Variants in RIPOR2 observed in about 807,000 individuals in gnomAD.
RIPOR2 encodes RHO family interacting cell polarization regulator 2.
RIPOR2 carries 39 observed loss-of-function variants against 114.5 expected under a neutral mutation model. The observed-to-expected ratio is 0.34, with a 90% CI of 0.26 to 0.44. The LOEUF (loss-of-function observed/expected upper bound fraction) is 0.44. RIPOR2 is among the 20% of genes least tolerant of loss of function. The probability of loss-of-function intolerance (pLI) is 1.00; values close to 1 mark genes in which losing one functional copy is unlikely to be tolerated. For missense variants in RIPOR2, 1,007 were observed against 1,255.1 expected (o/e 0.80, Z 2.99); for synonymous variants, 445 against 484.4 (o/e 0.92, Z 1.07).
At chr6:24,896,241 G>C (rs1230642801) in intron 1 of RIPOR2, among the ~76,000 whole-genome samples, 1 of 152,160 alleles carries the variant, frequency 6.6e-6, no homozygotes, top group Non-Finnish European at 1.5e-5. Context: ...GGTTGCTTAA[G>C]TTTTCCAGAA....
At chr6:24,893,977 C>T (rs1767610158) in intron 1 of RIPOR2, among the ~76,000 whole-genome samples, 1 of 152,152 alleles carries the variant, frequency 6.6e-6, no homozygotes, top group Non-Finnish European at 1.5e-5. Context: ...AAATGATCTC[C>T]ATGTAGGGAA....
In RIPOR2 at chr6:24,842,986, A is replaced by C. The variant is rs745389444; in HGVS notation, c.1733T>G (p.Phe578Cys). Residue 578 changes from phenylalanine (F) to cysteine (C), a missense_variant, in exon 13 of 22, where the codon TTT (phenylalanine) becomes TGT (cysteine). By Grantham distance (205) the Phe-to-Cys change is radical. Transcript: ENST00000643898. ...AGCATCCTCTAAGCTTCCATCTAGA[A>C]AGGATCTGCAGCCTTCAGATTCTCC... The part of the protein sequence containing the change: ...VGGESEGCRS[F>C]LDGSLEDAFN... 2 of 1,570,776 alleles carry C rather than the reference A, an allele frequency of 1.3e-6. No homozygotes were observed. Among genetic ancestry groups the C allele is most frequent in the South Asian group, 2.3e-5 (2 of 85,184 alleles).
Position 25,001,104 on chromosome 6 carries a change from A to G in RIPOR2, c.76+40747T>C, listed in dbSNP as rs143500817. Among the ~76,000 whole-genome samples, 196 of 152,358 alleles carry G rather than the reference A, an allele frequency of 1.3e-3. No individual in the cohort carries two copies. The East Asian group carries it at 0.032, about 25-fold the overall frequency. The stretch of plus-strand genomic sequence containing the variant: ...CGCACATGTACATATACATGCACAT[A>G]TATACGTGTAAACACACATATACTC... On this transcript the variant is annotated intron_variant, in intron 1 of 13. Coordinates refer to the RIPOR2 transcript ENST00000510784.
intron 1 of RIPOR2, among the ~76,000 whole-genome samples, chr6:25,007,979 C>T (rs1484577832): frequency 1.3e-5 from 2 of 152,088 alleles, no homozygotes; most frequent in African/African-American, 2.4e-5. Flanking sequence ...ACTGGAAATA[C>T]CTCCAATGAA....
At chr6:25,034,530 C>T (rs1777147978) in intron 1 of RIPOR2, among the ~76,000 whole-genome samples, 1 of 152,156 alleles carries the variant, frequency 6.6e-6, no homozygotes, top group Admixed American at 6.5e-5. Context: ...AGAAAATTTG[C>T]TATTCTGGTA....
chr6:24,875,594 G>T, intron 2 of RIPOR2, 97 bp downstream of exon 2: 1 of 1,165,194 alleles, frequency 8.6e-7, no homozygotes, highest in Non-Finnish European at 1.2e-6. Flanking sequence ...GCCGGGGGGC[G>T]GTTTGACAAG....
At chr6:25,017,904 C>A (rs1421553349) in intron 1 of RIPOR2, among the ~76,000 whole-genome samples, 1 of 152,194 alleles carries the variant, frequency 6.6e-6, no homozygotes, top group African/African-American at 2.4e-5. Context: ...GAAATATTCT[C>A]TTGGAAGTTC....
At position 24,849,786 on chromosome 6, in the gene RIPOR2, A is replaced by G; in HGVS notation, c.1034+16T>C. On this transcript the variant is annotated intron_variant, in intron 11 of 21. Transcript: ENST00000643898. The stretch of plus-strand genomic sequence containing the variant: ...CAGATATTTCTATATGATGAAATAA[A>G]GGAAGAGGCACTTACTACCAGGTGA... 6.2e-7 allele frequency: 1 copy of G among 1,609,956 alleles called. No homozygotes were observed. Among genetic ancestry groups the G allele is most frequent in the Non-Finnish European group, 8.5e-7 (1 of 1,176,544 alleles).
At chr6:24,850,097 C>CTTTTTTT (rs5875008) in intron 10 of RIPOR2, 147 bp from the exon 11 acceptor site, 21 of 437,184 alleles carry the variant, frequency 4.8e-5, no homozygotes, top group Admixed American at 1.3e-4. Flanking sequence ...TTTTCTTTTT[C>CTTTTTTT]TTTTTTTTTT....
intron 1 of RIPOR2, among the ~76,000 whole-genome samples, chr6:24,890,189 C>T (rs920293926): frequency 1.3e-5 from 2 of 151,970 alleles, no homozygotes; most frequent in Non-Finnish European, 2.9e-5. Flanking sequence ...GCCACTGTGC[C>T]CGGCCTGCAC....
chr6:24,935,341 A>AAAG (rs1334105077), intron 1 of RIPOR2, among the ~76,000 whole-genome samples: 15 of 147,626 alleles, frequency 1.0e-4, no homozygotes, highest in African/African-American at 3.7e-4. Context: ...AAAAAAAAAA[A>AAAG]GAGAAGGACC....
rs148443902 is a variant in RIPOR2 at position 24,941,031 on chromosome 6, G to C, written c.77-65214C>G. 1.5e-3 allele frequency among the ~76,000 whole-genome samples: 235 copies of C among 152,206 alleles called. 1 individual carries two copies. The highest frequency in any genetic ancestry group is 3.8e-3 in the African/African-American group (157 of 41,522). On this transcript the variant is annotated intron_variant, in intron 1 of 13. Coordinates refer to the RIPOR2 transcript ENST00000510784. ...CAATCTCATGGGTACAATCTCATGAGGGTTGTCTCATGAGGAAAACCCTCC... is the reference window on the plus strand; with the variant it reads ...CAATCTCATGGGTACAATCTCATGACGGTTGTCTCATGAGGAAAACCCTCC...
chr6:24,907,416 A>C (rs1337186467), intron 1 of RIPOR2, among the ~76,000 whole-genome samples: 1 of 152,208 alleles, frequency 6.6e-6, no homozygotes, highest in African/African-American at 2.4e-5. Context: ...GCACAGGGCC[A>C]TGTGTAAATG....
At chr6:24,905,373 G>A (rs1337596231) in intron 1 of RIPOR2, among the ~76,000 whole-genome samples, 1 of 151,956 alleles carries the variant, frequency 6.6e-6, no homozygotes, top group Admixed American at 6.6e-5. Context: ...TTATTTCTGA[G>A]GATGACGCAT....
chr6:25,019,096 G>T (rs1451322582), intron 1 of RIPOR2, among the ~76,000 whole-genome samples: 1 of 152,160 alleles, frequency 6.6e-6, no homozygotes, highest in Non-Finnish European at 1.5e-5. Context: ...ATAGTGTCCG[G>T]CAACCTTCAA....
intron 6 of RIPOR2, among the ~76,000 whole-genome samples, chr6:24,866,514 GA>G (rs955978043): frequency 8.9e-5 from 10 of 112,068 alleles, no homozygotes; most frequent in African/African-American, 3.3e-4. Flanking sequence ...TGCTAGGGTT[GA>G]AAATTTTTTT....
At chr6:24,839,856 G>T in intron 13 of RIPOR2, 1 of 1,164,134 alleles carries the variant, frequency 8.6e-7, no homozygotes. Flanking sequence ...TGCTCTAAAG[G>T]ACTAACAAAA....
rs144016111 is a variant in RIPOR2, at chr6:24,980,928, C to G, written c.76+60923G>C. On this transcript the variant is annotated intron_variant, in intron 1 of 13. Transcript: ENST00000510784. ...TGCTTTCTCTGGCTCTCTGAATGAA[C>G]ACATTCATTCATTGTCCCAGTCTTC... Among the ~76,000 whole-genome samples, 269 of 152,274 alleles carry G rather than the reference C, an allele frequency of 1.8e-3. 1 individual carries two copies. Among genetic ancestry groups the G allele is most frequent in the African/African-American group, 3.8e-3 (159 of 41,558 alleles).
intron 1 of RIPOR2, chr6:25,015,965 A>G (rs1454127939): frequency 1.5e-5 from 2 of 130,102 alleles, no homozygotes; most frequent in Admixed American, 1.9e-4. Flanking sequence ...GTGCAATGGC[A>G]TGATCTCGGC....
Sources: allele counts gnomAD v4.1 joint callset (sites outside exome capture counted in the v4.1 genomes callset), GRCh38; gene constraint gnomAD v4.1.1; transcripts MANE v1.5; gene names NCBI Gene and HGNC (gene_info 2026-07-23, HGNC 2026-07-21).